Variants in SLC25A13 observed in about 807,000 individuals in gnomAD.
SLC25A13 encodes the protein electrogenic aspartate/glutamate antiporter SLC25A13, mitochondrial.
A neutral mutation model predicts 85.5 loss-of-function variants in SLC25A13; 70 were observed. The observed-to-expected ratio is 0.82, with a 90% CI of 0.68 to 1.00. The LOEUF is 1.00. Among genes scored for constraint, SLC25A13 ranks in the 50% least tolerant of loss-of-function variants. The pLI is 0.00. For missense variants in SLC25A13, 765 were observed against 819.8 expected (o/e 0.93, Z 0.82); for synonymous variants, 259 against 288.7 (o/e 0.90, Z 1.04).
chr7:96,153,209 C>G (rs1333949146), intron 13 of SLC25A13, among the ~76,000 whole-genome samples: 2 of 152,112 alleles, frequency 1.3e-5, no homozygotes, highest in African/African-American at 4.8e-5. Context: ...CATAGTTGTC[C>G]TTACTATTTA....
At chr7:96,167,018 C>T (rs78091456) in intron 13 of SLC25A13, 439 of 152,320 alleles carry the variant, frequency 2.9e-3, no homozygotes, top group African/African-American at 9.8e-3. Flanking sequence ...GGAGAAAACA[C>T]AAACCACAAA....
At chr7:96,133,688 T>C (rs1792138406) in intron 14 of SLC25A13, among the ~76,000 whole-genome samples, 1 of 152,174 alleles carries the variant, frequency 6.6e-6, no homozygotes, top group Non-Finnish European at 1.5e-5. Context: ...TCCTTTTCCC[T>C]TTTTGCCCCA....
chr7:96,250,637 A>C (rs1393242737), intron 3 of SLC25A13, among the ~76,000 whole-genome samples: 2 of 152,056 alleles, frequency 1.3e-5, no homozygotes, highest in Non-Finnish European at 2.9e-5. Context: ...AGTTTACAAA[A>C]ACTAGAACAA....
chr7:96,280,637 C>A (rs565182454), intron 2 of SLC25A13, among the ~76,000 whole-genome samples: 4 of 152,210 alleles, frequency 2.6e-5, no homozygotes, highest in South Asian at 4.1e-4. Context: ...ATCGCTTGAG[C>A]ACAAAAGATT....
chr7:96,240,267 T>A (rs1796918843), intron 3 of SLC25A13, among the ~76,000 whole-genome samples: 1 of 152,112 alleles, frequency 6.6e-6, no homozygotes, highest in African/African-American at 2.4e-5. Context: ...TGAAAGGAGA[T>A]GGAGAAAGCC....
rs151268546 is a variant in SLC25A13 at position 96,229,445 on chromosome 7, C to T, written c.328+5357G>A. On this transcript the variant is annotated intron_variant, in intron 4 of 17. Coordinates refer to ENST00000265631, the MANE Select transcript of SLC25A13 (RefSeq NM_014251.3). ...ACCAATCAGCAGGATGTGGGTGGGGCAGATAAGGGAATAAAAGCAGGCTGC... is the reference window on the plus strand; with the variant it reads ...ACCAATCAGCAGGATGTGGGTGGGGTAGATAAGGGAATAAAAGCAGGCTGC... Among the ~76,000 whole-genome samples the T allele has an allele frequency of 6.2e-4, 95 of 152,198 alleles. 1 individual carries two copies. The East Asian group carries it at 0.015, about 23-fold the overall frequency.
rs1204143444 is a variant in SLC25A13, at chr7:96,120,523, T to A, written c.*668A>T. 5 of 454,438 alleles carry A rather than the reference T, an allele frequency of 1.1e-5. No homozygotes were observed. The highest frequency in any genetic ancestry group is 1.0e-4 in the African/African-American group (5 of 50,016). The allele number at this position is 454,438 out of a possible 1,614,324, so 28.2% of individuals were successfully genotyped here. ...GGAGAGGGGCTACATCTCAGTTTTT[T>A]CTGTCTGTACAGTAAAATGCCAAAA... On this transcript the variant is annotated 3_prime_UTR_variant, in exon 18 of 18. Coordinates refer to ENST00000265631, the MANE Select transcript of SLC25A13 (RefSeq NM_014251.3).
intron 14 of SLC25A13, among the ~76,000 whole-genome samples, chr7:96,144,555 T>G (rs1004708181): frequency 5.3e-5 from 8 of 152,156 alleles, no homozygotes; most frequent in African/African-American, 1.9e-4. Flanking sequence ...TAAACTAACT[T>G]CATATGGGAG....
chr7:96,132,595 G>C (rs1453697483), intron 14 of SLC25A13, among the ~76,000 whole-genome samples: 1 of 152,134 alleles, frequency 6.6e-6, no homozygotes, highest in Non-Finnish European at 1.5e-5. Flanking sequence ...GCCATGCAGA[G>C]GCCCCGCGAA....
At chr7:96,222,766 G>A (rs946892588) in intron 4 of SLC25A13, among the ~76,000 whole-genome samples, 1 of 151,920 alleles carries the variant, frequency 6.6e-6, no homozygotes, top group Non-Finnish European at 1.5e-5. Context: ...TTAATAATTC[G>A]TTAGTTACTC....
chr7:96,175,120 G>A (rs777755382), intron 11 of SLC25A13, among the ~76,000 whole-genome samples: 147 of 152,322 alleles, frequency 9.7e-4, no homozygotes, highest in Middle Eastern at 6.8e-3. Context: ...ACCCAGTGGA[G>A]AGAACCAGTT....
At position 96,298,374 on chromosome 7, in the gene SLC25A13, A is replaced by G. The variant is rs542175834; in HGVS notation, c.16-1423T>C. On this transcript the variant is annotated intron_variant, in intron 1 of 17. Coordinates refer to ENST00000265631, the MANE Select transcript of SLC25A13 (RefSeq NM_014251.3). ...CCTTGTTTCCCAAAGCAAGACTGAT[A>G]ACTCTTCATTTCAGCTGAGTGCTTG... 6.2e-4 allele frequency among the ~76,000 whole-genome samples: 95 copies of G among 152,286 alleles called. 1 individual carries two copies. Among genetic ancestry groups the G allele is most frequent in the African/African-American group, 2.2e-3 (90 of 41,560 alleles).
At chr7:96,309,781 T>G (rs1214666654) in intron 1 of SLC25A13, 1 of 152,202 alleles carries the variant, frequency 6.6e-6, no homozygotes, top group Non-Finnish European at 1.5e-5. Context: ...TTTAAATGAT[T>G]CAATAACTGT....
chr7:96,220,422 C>A (rs1417049982), intron 4 of SLC25A13, among the ~76,000 whole-genome samples: 3 of 152,130 alleles, frequency 2.0e-5, no homozygotes, highest in African/African-American at 7.2e-5. Context: ...CAACATATAC[C>A]TAAACTGTAA....
At chr7:96,126,372 C>G (rs537953484) in intron 15 of SLC25A13, among the ~76,000 whole-genome samples, 1 of 152,106 alleles carries the variant, frequency 6.6e-6, no homozygotes, top group African/African-American at 2.4e-5. Flanking sequence ...TAAGTCCTGC[C>G]CTACTTTCTG....
At chr7:96,216,225 G>C (rs1439939129) in intron 4 of SLC25A13, among the ~76,000 whole-genome samples, 1 of 151,980 alleles carries the variant, frequency 6.6e-6, no homozygotes, top group Admixed American at 6.6e-5. Flanking sequence ...CACTCAGAAT[G>C]GTTATTAAAA....
chr7:96,169,578 C>G (rs1402641935), intron 13 of SLC25A13, among the ~76,000 whole-genome samples: 1 of 152,110 alleles, frequency 6.6e-6, no homozygotes, highest in African/African-American at 2.4e-5. Flanking sequence ...AGTTATTTCC[C>G]AGCATTGTTC....
chr7:96,169,566 C>A (rs1793913536), intron 13 of SLC25A13, among the ~76,000 whole-genome samples: 1 of 152,088 alleles, frequency 6.6e-6, no homozygotes, highest in Non-Finnish European at 1.5e-5. Flanking sequence ...GCACACTCAG[C>A]CAGTTATTTC....
chr7:96,189,224 G>C (rs1794748072), intron 9 of SLC25A13, 70 bp downstream of exon 9: 3 of 1,363,062 alleles, frequency 2.2e-6, no homozygotes, highest in Non-Finnish European at 3.1e-6. Flanking sequence ...AAAGGCAACT[G>C]CAAGTGGAAC....
Sources: allele counts gnomAD v4.1 joint callset (sites outside exome capture counted in the v4.1 genomes callset), GRCh38; gene constraint gnomAD v4.1.1; transcripts MANE v1.5; gene names NCBI Gene and HGNC (gene_info 2026-07-23, HGNC 2026-07-21).